METTL24: variants seen among roughly 807,000 people sequenced by gnomAD.
METTL24 encodes the protein probable methyltransferase-like protein 24.
In METTL24, 29 loss-of-function variants were observed where a neutral mutation model predicts 32.7. The observed-to-expected ratio is 0.89, with a 90% CI of 0.66 to 1.21. METTL24 has a LOEUF of 1.21. Ranked by LOEUF, METTL24 falls within the 50% of genes most tolerant of loss-of-function variation. METTL24 has a pLI of 0.00. For synonymous variants in METTL24, 163 were observed against 179.5 expected, an observed-to-expected ratio of 0.91 and a Z score of 0.73; for missense variants, 439 against 468.1, an observed-to-expected ratio of 0.94 and a Z score of 0.57.
intron 1 of METTL24, among the ~76,000 whole-genome samples, chr6:110,350,762 C>CAAAATAAAAT (rs57785468): frequency 0.12 from 14,207 of 115,808 alleles, 1,090 homozygotes; most frequent in South Asian, 0.16. Context: ...CCTGTCTCAA[C>CAAAATAAAAT]AAAATAAAAT....
chr6:110,274,598 C>G (rs184394174), intron 4 of METTL24, among the ~76,000 whole-genome samples: 7 of 151,988 alleles, frequency 4.6e-5, no homozygotes, highest in Admixed American at 4.6e-4. Context: ...TCAGAAGTCA[C>G]CACAAAAGAA....
chr6:110,247,602 G>A (rs1209880871), intron 4 of METTL24, among the ~76,000 whole-genome samples: 4 of 152,176 alleles, frequency 2.6e-5, no homozygotes, highest in African/African-American at 7.2e-5. Flanking sequence ...CTGGAATAAC[G>A]AGGCTGGAGG....
chr6:110,294,498 A>T (rs1771376023), intron 4 of METTL24, among the ~76,000 whole-genome samples: 1 of 152,072 alleles, frequency 6.6e-6, no homozygotes, highest in Non-Finnish European at 1.5e-5. Context: ...GGAATACTGC[A>T]GAAAACCAAA....
intron 2 of METTL24, among the ~76,000 whole-genome samples, chr6:110,317,090 A>C (rs1771834534): frequency 1.3e-5 from 2 of 152,162 alleles, no homozygotes; most frequent in African/African-American, 4.8e-5. Context: ...TTATCAGTGA[A>C]TGTTAAGTCT....
At chr6:110,264,192 G>A (rs925498646) in intron 4 of METTL24, among the ~76,000 whole-genome samples, 5 of 151,778 alleles carry the variant, frequency 3.3e-5, no homozygotes, top group Admixed American at 3.3e-4. Flanking sequence ...GCAACCCACA[G>A]AATGGGAGAA....
rs144586445 is a variant in METTL24, at chr6:110,282,261, A to G, written c.786+16661T>C. 3.1e-3 allele frequency among the ~76,000 whole-genome samples: 471 copies of G among 152,246 alleles called. 1 individual carries two copies. Among genetic ancestry groups the G allele is most frequent in the African/African-American group, 0.011 (449 of 41,562 alleles). ...TTAAACTAATAGAAGTTCCCCCATCACTAAGAAAGTGAAAGGCAATAAAAT... is the reference window on the plus strand; with the variant it reads ...TTAAACTAATAGAAGTTCCCCCATCGCTAAGAAAGTGAAAGGCAATAAAAT... On this transcript the variant is annotated intron_variant, in intron 4 of 4. Transcript: ENST00000338882.
chr6:110,322,898 G>A (rs368004674), intron 1 of METTL24, 26 bp from the exon 2 acceptor site: 11 of 1,463,994 alleles, frequency 7.5e-6, no homozygotes, highest in Non-Finnish European at 4.5e-6. Flanking sequence ...AACATAGGTT[G>A]TGTGTAAGGA....
At chr6:110,352,781 C>T (rs1054792564) in intron 1 of METTL24, among the ~76,000 whole-genome samples, 2 of 152,112 alleles carry the variant, frequency 1.3e-5, no homozygotes, top group African/African-American at 2.4e-5. Flanking sequence ...ATGCCAAACT[C>T]CTTAGAAACA....
rs1158405968 is a variant in METTL24 at position 110,246,155 on chromosome 6, G to C, written c.892C>G (p.His298Asp). The change falls in exon 5 of 5, where the codon CAT (histidine) becomes GAT (aspartate). Residue 298 changes from histidine to aspartate, a missense_variant. His to Asp is a moderately conservative substitution (Grantham distance 81). Transcript: ENST00000338882. ...EQIGQLIFEI[H>D]LHWPGFEVSG... ...ACCTCAAACCCAGGCCAGTGGAGAT[G>C]GATCTCAAAGATGAGCTGTCCAATC... The C allele has an allele frequency of 5.6e-6, 9 of 1,614,136 alleles. No homozygotes were observed. Among genetic ancestry groups the C allele is most frequent in the African/African-American group, 1.3e-5 (1 of 75,040 alleles).
At chr6:110,334,044 G>GA (rs978008044) in intron 1 of METTL24, among the ~76,000 whole-genome samples, 52 of 148,184 alleles carry the variant, frequency 3.5e-4, no homozygotes, top group African/African-American at 1.2e-3. Flanking sequence ...AAGCCAGACA[G>GA]AAAAAAAGTG....
At position 110,251,294 on chromosome 6, in the gene METTL24, A is replaced by T. The variant is rs113962614; in HGVS notation, c.787-5034T>A. ...AACTACAGTAGTACAGTGGACTGGA[A>T]CTTTTACTGGACACAAATAATACTC... is the stretch of plus-strand genomic sequence containing the variant. On this transcript the variant is annotated intron_variant, in intron 4 of 4. Coordinates refer to ENST00000338882, the MANE Select transcript of METTL24 (RefSeq NM_001123364.3). Among the ~76,000 whole-genome samples the T allele has an allele frequency of 4.3e-3, 656 of 152,340 alleles. 9 individuals are homozygous for T. Among genetic ancestry groups the T allele is most frequent in the African/African-American group, 0.015 (640 of 41,582 alleles).
chr6:110,340,902 A>G (rs1024655790), intron 1 of METTL24, among the ~76,000 whole-genome samples: 1 of 152,048 alleles, frequency 6.6e-6, no homozygotes, highest in Non-Finnish European at 1.5e-5. Flanking sequence ...AAAAGTTTGG[A>G]TTTCAAAATA....
chr6:110,266,436 A>G (rs2114705116), intron 4 of METTL24, among the ~76,000 whole-genome samples: 1 of 152,278 alleles, frequency 6.6e-6, no homozygotes, highest in South Asian at 2.1e-4. Flanking sequence ...CTAAACGTCT[A>G]CTGTTCTTAT....
chr6:110,350,894 G>A (rs1009757243), intron 1 of METTL24, among the ~76,000 whole-genome samples: 5 of 152,068 alleles, frequency 3.3e-5, no homozygotes, highest in African/African-American at 1.2e-4. Context: ...AGATCACTAG[G>A]TCAGGAGTTT....
At chr6:110,263,039 G>A (rs921118646) in intron 4 of METTL24, among the ~76,000 whole-genome samples, 118 of 152,102 alleles carry the variant, frequency 7.8e-4, no homozygotes, top group African/African-American at 2.7e-3. Context: ...AACTGGATGT[G>A]TTCCCTTTGA....
intron 1 of METTL24, among the ~76,000 whole-genome samples, chr6:110,356,774 T>A (rs1279497885): frequency 6.6e-6 from 1 of 152,204 alleles, no homozygotes; most frequent in Non-Finnish European, 1.5e-5. Context: ...TAATCAAGAC[T>A]TTACACAGGA....
At chr6:110,334,755 A>G (rs1772180070) in intron 1 of METTL24, among the ~76,000 whole-genome samples, 1 of 152,176 alleles carries the variant, frequency 6.6e-6, no homozygotes, top group African/African-American at 2.4e-5. Context: ...CTCAGCATTC[A>G]TTCATCCATT....
intron 4 of METTL24, among the ~76,000 whole-genome samples, chr6:110,277,747 T>A (rs1177893263): frequency 6.6e-6 from 1 of 152,134 alleles, no homozygotes; most frequent in East Asian, 1.9e-4. Flanking sequence ...TACATCTTGA[T>A]TTCTCAATGT....
chr6:110,343,532 G>A (rs1276042741), intron 1 of METTL24, among the ~76,000 whole-genome samples: 3 of 152,170 alleles, frequency 2.0e-5, no homozygotes, highest in African/African-American at 7.2e-5. Flanking sequence ...TCATGCCTAG[G>A]ACAGGCCCGG....
Sources: gnomAD v4.1 joint callset for allele counts (sites outside exome capture counted in the v4.1 genomes callset) on GRCh38, gnomAD v4.1.1 for gene constraint, MANE v1.5 for transcripts, NCBI Gene and HGNC (gene_info 2026-07-23, HGNC 2026-07-21) for gene names.